Variants in SCLT1 observed in about 807,000 individuals in gnomAD.
SCLT1 encodes sodium channel-associated protein 1.
A neutral mutation model predicts 112.8 loss-of-function variants in SCLT1; 78 were observed. The observed-to-expected ratio is 0.69, with a 90% CI of 0.58 to 0.83. The LOEUF (loss-of-function observed/expected upper bound fraction) is 0.83. Ranked by LOEUF, SCLT1 falls within the 40% of genes least tolerant of loss-of-function variation. The pLI, the probability that SCLT1 is intolerant of heterozygous loss-of-function variation, is 0.00. For missense variants in SCLT1, 747 were observed against 770.4 expected (o/e 0.97, Z 0.36); for synonymous variants, 257 against 254.7 (o/e 1.01, Z -0.09).
At chr4:128,938,679 C>T (rs1237761798) in intron 17 of SCLT1, among the ~76,000 whole-genome samples, 1 of 152,088 alleles carries the variant, frequency 6.6e-6, no homozygotes, top group Non-Finnish European at 1.5e-5. Flanking sequence ...CTTATGAACA[C>T]ATGTTAAAAA....
At chr4:128,893,662 C>T (rs1259141020) in intron 18 of SCLT1, among the ~76,000 whole-genome samples, 1 of 152,066 alleles carries the variant, frequency 6.6e-6, no homozygotes, top group South Asian at 2.1e-4. Flanking sequence ...CCTGCCTCAG[C>T]CTCCCAAGTA....
chr4:129,051,572 T>C (rs1207281195), intron 2 of SCLT1, among the ~76,000 whole-genome samples: 1 of 152,206 alleles, frequency 6.6e-6, no homozygotes, highest in African/African-American at 2.4e-5. Flanking sequence ...TGCACATTGA[T>C]TTTGTATCCT....
chr4:129,026,784 C>G (rs1746136679), intron 5 of SCLT1, among the ~76,000 whole-genome samples: 1 of 151,860 alleles, frequency 6.6e-6, no homozygotes, highest in Non-Finnish European at 1.5e-5. Flanking sequence ...AAAGGATCAA[C>G]AAAATTGATA....
chr4:128,875,447 G>C (rs1225305420), intron 4 of SCLT1, among the ~76,000 whole-genome samples: 1 of 151,680 alleles, frequency 6.6e-6, no homozygotes. Context: ...TCCCCACCTG[G>C]AGTTCTTTCC....
At position 128,948,716 on chromosome 4, in the gene SCLT1, A is replaced by G. The variant is rs1301997115; in HGVS notation, c.1219-146T>C. On this transcript the variant is annotated intron_variant, in intron 14 of 20. Transcript: ENST00000281142. ...ATTGATTAAAAACAAAACAAAACTC[A>G]ATATTTGAAGAGCAACCTAACCCAG... 4.9e-6 allele frequency: 3 copies of G among 615,578 alleles called. No homozygotes were observed. The African/African-American group carries it at 5.7e-5, about 12-fold the overall frequency. The allele number at this position is 615,578 out of a possible 1,614,324, so 38.1% of individuals were successfully genotyped here.
chr4:129,046,640 C>T (rs974314234), intron 2 of SCLT1, among the ~76,000 whole-genome samples: 1 of 152,068 alleles, frequency 6.6e-6, no homozygotes, highest in Non-Finnish European at 1.5e-5. Context: ...CTGCTACAAA[C>T]ATTCTTGAAA....
At chr4:129,031,525 T>TC in intron 5 of SCLT1, among the ~76,000 whole-genome samples, 1 of 152,232 alleles carries the variant, frequency 6.6e-6, no homozygotes, top group African/African-American at 2.4e-5. Context: ...TCAAATTGTG[T>TC]CTGTTTGACT....
intron 18 of SCLT1, 150 bp from the exon 19 acceptor site, chr4:128,891,287 CTTGT>C (rs1462256878): frequency 1.5e-5 from 9 of 614,080 alleles, no homozygotes; most frequent in Middle Eastern, 4.3e-4. Flanking sequence ...ATCTCAAGGA[CTTGT>C]TTATTTCTTT....
At chr4:129,073,097 T>C (rs1274505165) in intron 2 of SCLT1, among the ~76,000 whole-genome samples, 2 of 152,282 alleles carry the variant, frequency 1.3e-5, no homozygotes, top group East Asian at 3.9e-4. Context: ...ACCCAGCAAG[T>C]CTACTAGGCT....
At position 128,970,647 on chromosome 4, in the gene SCLT1, A is replaced by G. The variant is rs1364764048; in HGVS notation, c.687-179T>C. On this transcript the variant is annotated intron_variant, in intron 9 of 20. Coordinates refer to ENST00000281142, the MANE Select transcript of SCLT1 (RefSeq NM_144643.4). ...ATGAAGTGCATGTAGAAGATATTAA[A>G]GAGGAAAAAATATAGCTGAATGGCG... 7.2e-6 allele frequency: 4 copies of G among 552,176 alleles called. No homozygotes were observed. In the East Asian group the frequency reaches 9.1e-5, roughly 13 times the overall value. 34.2% of individuals were successfully genotyped at this position (552,176 alleles called of 1,614,324 possible).
rs56961720 is a variant in SCLT1 at position 129,049,626 on chromosome 4, T to TAA, written c.103-5577_103-5576dup. Among the ~76,000 whole-genome samples, 469 of 135,706 alleles carry TAA rather than the reference T, an allele frequency of 3.5e-3. 4 individuals carry two copies. The highest frequency in any genetic ancestry group is 0.019 in the Middle Eastern group (5 of 262). 89.0% of individuals were successfully genotyped at this position (135,706 alleles called of 152,430 possible). ...CACATGTACCCTAAAACTTAAAGTATAAAAAAAAAAAAAAGAGACGGGGTG... is the reference window on the plus strand; with the variant it reads ...CACATGTACCCTAAAACTTAAAGTATAAAAAAAAAAAAAAAAGAGACGGGGTG... On this transcript the variant is annotated intron_variant, in intron 2 of 20. Coordinates refer to ENST00000281142, the MANE Select transcript of SCLT1 (RefSeq NM_144643.4).
chr4:129,048,676 C>A (rs1274422576), intron 2 of SCLT1, among the ~76,000 whole-genome samples: 17 of 152,090 alleles, frequency 1.1e-4, no homozygotes, highest in African/African-American at 4.1e-4. Context: ...AGAAACTACC[C>A]TCACAGTGAA....
chr4:129,083,420 C>T (rs1041802177), intron 1 of SCLT1, among the ~76,000 whole-genome samples: 5 of 114,046 alleles, frequency 4.4e-5, no homozygotes, highest in Non-Finnish European at 8.8e-5. Context: ...TGTTATCTTA[C>T]AATAGCACTA....
chr4:128,989,666 T>G lies in SCLT1; in HGVS notation c.686+2501A>C, dbSNP rs544449033. Among the ~76,000 whole-genome samples, 5 of 150,202 alleles carry G rather than the reference T, an allele frequency of 3.3e-5. No homozygotes were observed. The East Asian group carries it at 9.8e-4, about 29-fold the overall frequency. Reference sequence around the variant, plus strand: ...CAGACTAAAAAATACAAAAGATAAGTGAAAAAAAGTTGTTTTTTTAAGACA... The same window carrying G: ...CAGACTAAAAAATACAAAAGATAAGGGAAAAAAAGTTGTTTTTTTAAGACA... On this transcript the variant is annotated intron_variant, in intron 9 of 20. Transcript: ENST00000281142.
intron 18 of SCLT1, among the ~76,000 whole-genome samples, chr4:128,897,956 T>A (rs1010844620): frequency 1.3e-5 from 2 of 152,048 alleles, no homozygotes; most frequent in Non-Finnish European, 2.9e-5. Context: ...AGGGATCAAC[T>A]CAACAAGAAG....
Position 128,943,190 on chromosome 4 carries a change from T to C in SCLT1, c.1440-2A>G. 1 of 1,593,764 alleles carries C rather than the reference T, an allele frequency of 6.3e-7. No individual in the cohort carries two copies. Among genetic ancestry groups the C allele is most frequent in the Non-Finnish European group, 8.5e-7 (1 of 1,170,812 alleles). ...TAACGTGATATTTCTTCTGAGGAGC[T>C]GATTAAAAAACGAAATGAAAAGAAT... is the stretch of plus-strand genomic sequence containing the variant. On this transcript the variant is annotated splice_acceptor_variant, in intron 16 of 20. Coordinates refer to ENST00000281142, the MANE Select transcript of SCLT1 (RefSeq NM_144643.4). LOFTEE classifies it high-confidence loss of function.
chr4:129,015,222 A>G (rs1350409183), intron 5 of SCLT1, among the ~76,000 whole-genome samples: 1 of 152,132 alleles, frequency 6.6e-6, no homozygotes, highest in African/African-American at 2.4e-5. Context: ...GACATGTATC[A>G]GCAAAGAGAT....
downstream of SCLT1, among the ~76,000 whole-genome samples, chr4:128,882,399 T>G (rs1244648443): frequency 6.6e-6 from 1 of 152,240 alleles, no homozygotes; most frequent in Non-Finnish European, 1.5e-5. Context: ...TCGCATTTGA[T>G]ACTATCAACC....
At chr4:129,026,945 A>G (rs1333346468) in intron 5 of SCLT1, among the ~76,000 whole-genome samples, 2 of 152,190 alleles carry the variant, frequency 1.3e-5, no homozygotes, top group Non-Finnish European at 2.9e-5. Flanking sequence ...AAACTAGAAA[A>G]TCTAGAAGAA....
Sources: gnomAD v4.1 joint callset for allele counts (sites outside exome capture counted in the v4.1 genomes callset) on GRCh38, gnomAD v4.1.1 for gene constraint, MANE v1.5 for transcripts, NCBI Gene and HGNC (gene_info 2026-07-23, HGNC 2026-07-21) for gene names.